The following RUNX1 variants were observed in gnomAD, a reference collection of about 807,000 sequenced individuals.
The protein encoded by RUNX1 is RUNX family transcription factor 1.
In RUNX1, 19 loss-of-function variants were observed where a neutral mutation model predicts 42.8. The observed-to-expected ratio is 0.44, with a 90% CI of 0.31 to 0.65. The LOEUF is 0.65. Among genes scored for constraint, RUNX1 ranks in the 30% least tolerant of loss-of-function variants. The pLI, the probability that RUNX1 is intolerant of heterozygous loss-of-function variation, is 0.07. For missense variants in RUNX1, 528 were observed against 672.0 expected, an observed-to-expected ratio of 0.79 and a Z score of 2.37; for synonymous variants, 271 against 289.4, an observed-to-expected ratio of 0.94 and a Z score of 0.64.
intron 2 of RUNX1, among the ~76,000 whole-genome samples, chr21:34,896,204 T>C (rs1210612873): frequency 2.0e-5 from 3 of 152,092 alleles, no homozygotes; most frequent in Non-Finnish European, 4.4e-5. Context: ...CCTTAGAATA[T>C]CTATTGTAGT....
rs1419747201 is a variant in RUNX1 at position 34,889,792 on chromosome 21, A to T, written c.98-2696T>A. ...GGTCCGGCGTGCGCTGCCAACTCCGACCCCGCCCGGCGGGGCTCCCTCCCA... is the reference window on the plus strand; with the variant it reads ...GGTCCGGCGTGCGCTGCCAACTCCGTCCCCGCCCGGCGGGGCTCCCTCCCA... On this transcript the variant is annotated intron_variant, in intron 3 of 8. Coordinates refer to ENST00000675419, the MANE Select transcript of RUNX1 (RefSeq NM_001754.5). The T allele has an allele frequency of 2.9e-5, 33 of 1,133,022 alleles. No homozygotes were observed. In the East Asian group the frequency reaches 2.9e-4, roughly 10 times the overall value. The allele number at this position is 1,133,022 out of a possible 1,614,324, so 70.2% of individuals were successfully genotyped here. A position where few individuals can be genotyped will look rare whatever the true frequency, so the allele number is the denominator to read the frequency against.
At chr21:35,038,613 C>CTCTCTCTCTG (rs1555835794) in intron 2 of RUNX1, 16 of 286,626 alleles carry the variant, frequency 5.6e-5, no homozygotes, top group Admixed American at 1.3e-4. Context: ...CTCTCTCTCT[C>CTCTCTCTCTG]TGTGTGTGTG....
chr21:34,958,526 C>T (rs1330890314), intron 2 of RUNX1, among the ~76,000 whole-genome samples: 6 of 152,214 alleles, frequency 3.9e-5, no homozygotes, highest in Middle Eastern at 3.4e-3. Context: ...GTTAGAATGG[C>T]GATCATTCAA....
At chr21:34,852,663 T>C (rs2057438807) in intron 6 of RUNX1, among the ~76,000 whole-genome samples, 1 of 152,126 alleles carries the variant, frequency 6.6e-6, no homozygotes, top group African/African-American at 2.4e-5. Context: ...GGGATGTGAG[T>C]CACGACAGCA....
At chr21:34,887,343 T>C (rs1252229809) in intron 3 of RUNX1, 2 of 1,440,584 alleles carry the variant, frequency 1.4e-6, no homozygotes, top group Non-Finnish European at 1.8e-6. Flanking sequence ...TGACCCAGGA[T>C]GGGCTCCTAG....
chr21:34,919,214 C>T (rs1443965541), intron 2 of RUNX1, among the ~76,000 whole-genome samples: 1 of 152,142 alleles, frequency 6.6e-6, no homozygotes, highest in Non-Finnish European at 1.5e-5. Context: ...ATGGTCTTAA[C>T]TAGTCGAAGC....
At chr21:34,970,108 C>T (rs2058752046) in intron 2 of RUNX1, among the ~76,000 whole-genome samples, 1 of 152,184 alleles carries the variant, frequency 6.6e-6, no homozygotes, top group Non-Finnish European at 1.5e-5. Flanking sequence ...TTTATGTGGG[C>T]TACGGTATTT....
intron 2 of RUNX1, among the ~76,000 whole-genome samples, chr21:35,037,905 A>C (rs1202246289): frequency 6.8e-6 from 1 of 147,936 alleles, no homozygotes; most frequent in Admixed American, 6.9e-5. Context: ...CTGCTACATG[A>C]TGAGAGAGGC....
At chr21:34,955,466 G>A (rs2058637590) in intron 2 of RUNX1, among the ~76,000 whole-genome samples, 1 of 152,168 alleles carries the variant, frequency 6.6e-6, no homozygotes, top group Non-Finnish European at 1.5e-5. Flanking sequence ...GGGAAAAAGG[G>A]AGATGGCATT....
At chr21:34,920,294 CT>C (rs1445844367) in intron 2 of RUNX1, among the ~76,000 whole-genome samples, 1 of 152,166 alleles carries the variant, frequency 6.6e-6, no homozygotes, top group African/African-American at 2.4e-5. Flanking sequence ...AAACCCCAGC[CT>C]TTTCTCCTCC....
At chr21:34,806,187 G>T (rs958531510) in intron 7 of RUNX1, among the ~76,000 whole-genome samples, 1 of 152,124 alleles carries the variant, frequency 6.6e-6, no homozygotes, top group Non-Finnish European at 1.5e-5. Flanking sequence ...TAAAGACAGA[G>T]ATTGGCAGTG....
chr21:34,809,842 G>C (rs1310848187), intron 7 of RUNX1, among the ~76,000 whole-genome samples: 1 of 152,192 alleles, frequency 6.6e-6, no homozygotes, highest in Non-Finnish European at 1.5e-5. Context: ...AAAAAAAGAA[G>C]TGACTTTACG....
At chr21:34,976,581 G>A (rs1436296900) in intron 2 of RUNX1, among the ~76,000 whole-genome samples, 5 of 152,194 alleles carry the variant, frequency 3.3e-5, no homozygotes, top group African/African-American at 7.2e-5. Flanking sequence ...GACGAACACC[G>A]TGGAAGCTCT....
At chr21:34,996,396 G>C (rs898560905) in intron 2 of RUNX1, among the ~76,000 whole-genome samples, 3 of 152,108 alleles carry the variant, frequency 2.0e-5, no homozygotes, top group African/African-American at 7.2e-5. Context: ...GGAACTGGGG[G>C]CTGGGGGAGA....
chr21:34,934,527 G>T (rs569579642), intron 2 of RUNX1, among the ~76,000 whole-genome samples: 1 of 152,154 alleles, frequency 6.6e-6, no homozygotes, highest in African/African-American at 2.4e-5. Context: ...GGTCCAGCTC[G>T]CTGTGTCTTG....
rs2056429808 is a variant in RUNX1, at chr21:34,791,230, C to G, written c.*905G>C. On this transcript the variant is annotated 3_prime_UTR_variant, in exon 9 of 9. Coordinates refer to ENST00000675419, the MANE Select transcript of RUNX1 (RefSeq NM_001754.5). ...ACATTACTCATTCTTTTTTTCTAGC[C>G]TTCTTCAATGTGATACATTTAACTT... 1 of 232,970 alleles carries G rather than the reference C, an allele frequency of 4.3e-6. No individual in the cohort carries two copies. The highest frequency in any genetic ancestry group is 1.8e-4 in the South Asian group (1 of 5,526). The allele number at this position is 232,970 out of a possible 1,614,324, so 14.4% of individuals were successfully genotyped here.
intron 7 of RUNX1, among the ~76,000 whole-genome samples, chr21:34,813,388 G>A (rs564112366): frequency 1.3e-4 from 20 of 152,252 alleles, no homozygotes; most frequent in Admixed American, 5.2e-4. Context: ...CTTCAGGATC[G>A]GGGAAAGCTA....
chr21:34,884,917 G>T (rs1363052981), intron 4 of RUNX1, among the ~76,000 whole-genome samples: 1 of 152,020 alleles, frequency 6.6e-6, no homozygotes, highest in African/African-American at 2.4e-5. Context: ...TAAGTGAATT[G>T]CCAAAAGTCA....
rs375428568 is a variant in RUNX1, at chr21:34,817,903, A to C, written c.805+16507T>G. Reference sequence around the variant, plus strand: ...CCGCCTCATGTCAGGGCCTCTTGAGAACTGGATTTGCAAAGTGTCTGCAGA... The same window carrying C: ...CCGCCTCATGTCAGGGCCTCTTGAGCACTGGATTTGCAAAGTGTCTGCAGA... On this transcript the variant is annotated intron_variant, in intron 7 of 8. Transcript: ENST00000675419. Among the ~76,000 whole-genome samples, 498 of 152,290 alleles carry C rather than the reference A, an allele frequency of 3.3e-3. 4 individuals carry two copies. Among genetic ancestry groups the C allele is most frequent in the African/African-American group, 0.011 (466 of 41,546 alleles).
Sources: gnomAD v4.1 joint callset for allele counts (sites outside exome capture counted in the v4.1 genomes callset) on GRCh38, gnomAD v4.1.1 for gene constraint, MANE v1.5 for transcripts, NCBI Gene and HGNC (gene_info 2026-07-23, HGNC 2026-07-21) for gene names.